Variants in ADAM12 observed in about 807,000 individuals in gnomAD.
ADAM12 encodes the protein disintegrin and metalloproteinase domain-containing protein 12.
In ADAM12, 70 loss-of-function variants were observed where a neutral mutation model predicts 106.4. That is an observed-to-expected ratio of 0.66 (90% confidence interval 0.54 to 0.80). The LOEUF (loss-of-function observed/expected upper bound fraction) is 0.80, where lower values mean the gene tolerates loss of function less well. ADAM12 is among the 30% of genes least tolerant of loss of function. The pLI, the probability that ADAM12 is intolerant of heterozygous loss-of-function variation, is 0.00. For synonymous variants in ADAM12, 420 were observed against 433.5 expected, an observed-to-expected ratio of 0.97 and a Z score of 0.39; for missense variants, 1,010 against 1,171.9, an observed-to-expected ratio of 0.86 and a Z score of 2.02.
At chr10:126,083,722 T>C (rs1215027451) in intron 11 of ADAM12, among the ~76,000 whole-genome samples, 3 of 152,078 alleles carry the variant, frequency 2.0e-5, no homozygotes, top group African/African-American at 7.2e-5. Flanking sequence ...GCAGGGGAAA[T>C]AGGCGCCCCG....
At chr10:126,349,904 A>G (rs1179834817) in intron 1 of ADAM12, among the ~76,000 whole-genome samples, 2 of 152,170 alleles carry the variant, frequency 1.3e-5, no homozygotes, top group Non-Finnish European at 2.9e-5. Flanking sequence ...CTCTTCAGGT[A>G]TGGGTTTTCT....
chr10:126,086,478 C>T (rs1319817377), intron 11 of ADAM12, among the ~76,000 whole-genome samples: 1 of 149,128 alleles, frequency 6.7e-6, no homozygotes, highest in Non-Finnish European at 1.5e-5. Context: ...CAGTTTGAGA[C>T]CAGCCTGGCC....
At chr10:126,281,788 G>T (rs1243866154) in intron 2 of ADAM12, among the ~76,000 whole-genome samples, 1 of 152,172 alleles carries the variant, frequency 6.6e-6, no homozygotes, top group Non-Finnish European at 1.5e-5. Context: ...AATGCTTAAA[G>T]AACTGTACCT....
chr10:126,056,647 T>TGGA lies in ADAM12; in HGVS notation c.1610-6979_1610-6978insTCC, dbSNP rs1440314594. Among the ~76,000 whole-genome samples, 7 of 102,308 alleles carry TGGA rather than the reference T, an allele frequency of 6.8e-5. 1 individual carries two copies. The highest frequency in any genetic ancestry group is 3.6e-4 in the South Asian group (1 of 2,776). 67.1% of individuals were successfully genotyped at this position (102,308 alleles called of 152,430 possible). A position where few individuals can be genotyped will look rare whatever the true frequency, so the allele number is the denominator to read the frequency against. Reference sequence around the variant, plus strand: ...CTCTTGAGTGTGATATTCCCCTTCCTGTGTCCATGTGATCTCATTGTTCAA... The same window carrying TGGA: ...CTCTTGAGTGTGATATTCCCCTTCCTGGAGTGTCCATGTGATCTCATTGTTCAA... On this transcript the variant is annotated intron_variant, in intron 14 of 22. Transcript: ENST00000448723.
chr10:126,382,477 A>C (rs1019528662), intron 1 of ADAM12, among the ~76,000 whole-genome samples: 1 of 152,228 alleles, frequency 6.6e-6, no homozygotes, highest in Non-Finnish European at 1.5e-5. Flanking sequence ...TGCTCAGTTC[A>C]CAGGCCCTAG....
At chr10:126,018,467 A>G (rs1482250055) in intron 22 of ADAM12, among the ~76,000 whole-genome samples, 2 of 152,212 alleles carry the variant, frequency 1.3e-5, no homozygotes, top group Non-Finnish European at 2.9e-5. Context: ...GCAGGCAGCT[A>G]CCATGACCTA....
chr10:126,122,221 C>T (rs1956128331), intron 5 of ADAM12, among the ~76,000 whole-genome samples: 1 of 152,164 alleles, frequency 6.6e-6, no homozygotes, highest in Admixed American at 6.5e-5. Context: ...CCTTCTAAGT[C>T]ATCCAAAGTC....
intron 4 of ADAM12, among the ~76,000 whole-genome samples, chr10:126,148,907 G>A (rs1590504203): frequency 6.6e-6 from 1 of 152,254 alleles, no homozygotes; most frequent in East Asian, 1.9e-4. Context: ...GTAGAAATGA[G>A]GAACACTGCT....
intron 2 of ADAM12, among the ~76,000 whole-genome samples, chr10:126,326,178 G>A (rs1033055896): frequency 6.6e-6 from 1 of 151,850 alleles, no homozygotes; most frequent in Non-Finnish European, 1.5e-5. Context: ...CTAAGCCTTG[G>A]GTGCTCACTA....
rs118148530 is a variant in ADAM12, at chr10:126,192,349, A to T, written c.261-37044T>A. ...ACCCAATAAGTTATAGTTATTACTA[A>T]CAACAAACATACATTGAGCACCCTG... is the stretch of plus-strand genomic sequence containing the variant. On this transcript the variant is annotated intron_variant, in intron 3 of 22. Coordinates refer to ENST00000448723, the MANE Select transcript of ADAM12 (RefSeq NM_001288973.2). Among the ~76,000 whole-genome samples the T allele has an allele frequency of 2.8e-4, 43 of 152,348 alleles. No homozygotes were observed. In the East Asian group the frequency reaches 8.1e-3, roughly 29 times the overall value.
intron 21 of ADAM12, among the ~76,000 whole-genome samples, chr10:126,035,818 T>C (rs1954049410): frequency 6.6e-6 from 1 of 152,172 alleles, no homozygotes; most frequent in Non-Finnish European, 1.5e-5. Flanking sequence ...AGATTGCCTG[T>C]CTCTATTTTA....
intron 1 of ADAM12, among the ~76,000 whole-genome samples, chr10:126,362,424 A>G (rs1321348635): frequency 6.6e-6 from 1 of 152,176 alleles, no homozygotes; most frequent in Non-Finnish European, 1.5e-5. Context: ...ATATTACCAT[A>G]TGACCCAGCA....
intron 1 of ADAM12, among the ~76,000 whole-genome samples, chr10:126,377,132 C>T (rs1398887985): frequency 2.0e-5 from 3 of 152,204 alleles, no homozygotes; most frequent in Non-Finnish European, 4.4e-5. Context: ...TTCTCAACAT[C>T]ACATGTCAGG....
chr10:126,339,261 T>C (rs1023041220), intron 1 of ADAM12, among the ~76,000 whole-genome samples: 20 of 152,232 alleles, frequency 1.3e-4, no homozygotes, highest in African/African-American at 3.4e-4. Flanking sequence ...CTACAGGACA[T>C]GTTAATTTCA....
At chr10:126,022,367 G>T (rs753729463) in intron 21 of ADAM12, among the ~76,000 whole-genome samples, 3 of 152,182 alleles carry the variant, frequency 2.0e-5, no homozygotes, top group Non-Finnish European at 2.9e-5. Context: ...GCTTCCTCCA[G>T]CCATGGCCAG....
chr10:126,051,829 C>G (rs962062837), intron 14 of ADAM12, among the ~76,000 whole-genome samples: 3 of 152,140 alleles, frequency 2.0e-5, no homozygotes, highest in African/African-American at 7.2e-5. Context: ...AAAAAAGACC[C>G]AAATGATTAT....
intron 3 of ADAM12, among the ~76,000 whole-genome samples, chr10:126,268,766 T>A (rs1324915937): frequency 1.3e-5 from 2 of 152,182 alleles, no homozygotes; most frequent in African/African-American, 4.8e-5. Context: ...AACAGTAATC[T>A]AGGATTTTGG....
At chr10:126,223,660 C>T (rs1958138790) in intron 3 of ADAM12, among the ~76,000 whole-genome samples, 1 of 152,220 alleles carries the variant, frequency 6.6e-6, no homozygotes, top group South Asian at 2.1e-4. Context: ...TTCCTCACCA[C>T]TTCATGGTGT....
intron 17 of ADAM12, among the ~76,000 whole-genome samples, chr10:126,044,059 A>G (rs1052838687): frequency 6.6e-6 from 1 of 152,184 alleles, no homozygotes; most frequent in African/African-American, 2.4e-5. Context: ...CTATTATGCC[A>G]GATGTAACTA....
Sources: allele counts gnomAD v4.1 joint callset (sites outside exome capture counted in the v4.1 genomes callset), GRCh38; gene constraint gnomAD v4.1.1; transcripts MANE v1.5; gene names NCBI Gene and HGNC (gene_info 2026-07-23, HGNC 2026-07-21).